The following FOXO1 variants were observed in gnomAD, a reference collection of about 807,000 sequenced individuals.
FOXO1 encodes the protein forkhead box O1, also known as forkhead box protein O1.
In FOXO1, 6 loss-of-function variants were observed where a neutral mutation model predicts 44.1. The ratio of observed to expected loss-of-function variants is 0.14; its 90% CI spans 0.07 to 0.27. FOXO1 has a LOEUF of 0.27. Ranked by LOEUF, FOXO1 falls within the 10% of genes least tolerant of loss-of-function variation. The pLI, the probability that FOXO1 is intolerant of heterozygous loss-of-function variation, is 1.00. For missense variants in FOXO1, 737 were observed against 888.8 expected, an observed-to-expected ratio of 0.83 and a Z score of 2.17; for synonymous variants, 380 against 362.7, an observed-to-expected ratio of 1.05 and a Z score of -0.54.
intron 1 of FOXO1, among the ~76,000 whole-genome samples, chr13:40,597,611 C>T (rs928590692): frequency 3.9e-5 from 6 of 152,198 alleles, no homozygotes; most frequent in African/African-American, 1.4e-4. Flanking sequence ...CTAAACCCTA[C>T]ATCTTCCCCC....
intron 1 of FOXO1, among the ~76,000 whole-genome samples, chr13:40,593,023 TTTG>T (rs892108628): frequency 1.3e-5 from 2 of 152,126 alleles, no homozygotes; most frequent in African/African-American, 4.8e-5. Context: ...TGGGGGCTTT[TTTG>T]TTTTGTTTTG....
At chr13:40,588,463 A>T (rs1875253752) in intron 1 of FOXO1, among the ~76,000 whole-genome samples, 1 of 152,230 alleles carries the variant, frequency 6.6e-6, no homozygotes, top group South Asian at 2.1e-4. Flanking sequence ...CATCACTAAC[A>T]GAAGCAAACA....
intron 1 of FOXO1, among the ~76,000 whole-genome samples, chr13:40,571,815 A>G (rs1874523690): frequency 6.6e-6 from 1 of 152,238 alleles, no homozygotes; most frequent in African/African-American, 2.4e-5. Context: ...AACGCACAGC[A>G]TTATAACGCA....
intron 1 of FOXO1, among the ~76,000 whole-genome samples, chr13:40,638,563 T>A (rs1485497113): frequency 6.6e-6 from 1 of 151,972 alleles, no homozygotes; most frequent in Non-Finnish European, 1.5e-5. Flanking sequence ...TCACAAAAAG[T>A]TCCAAGAGAG....
chr13:40,620,083 G>A (rs909216387), intron 1 of FOXO1: 1 of 1,014,216 alleles, frequency 9.9e-7, no homozygotes, highest in Non-Finnish European at 1.5e-6. Context: ...TATAACTCAA[G>A]TCTTTTTAGA....
At position 40,559,860 on chromosome 13, in the gene FOXO1, C is replaced by T; in HGVS notation, c.1631G>A (p.Ser544Asn). 6.2e-7 allele frequency: 1 copy of T among 1,614,072 alleles called. No homozygotes were observed. The highest frequency in any genetic ancestry group is 8.5e-7 in the Non-Finnish European group (1 of 1,179,974). The change falls in exon 2 of 3, where the codon AGC becomes AAC. Residue 544 changes from serine to asparagine, a missense_variant. By Grantham distance (46) the Ser-to-Asn change is conservative. Transcript: ENST00000379561. The stretch of plus-strand genomic sequence containing the variant: ...CATACCCGAGGTGTGGGGCATGGTG[C>T]TTACCGTGTGGGGCAGGGGACGCCC... ...VNGRPLPHTV[S>N]TMPHTSGMNR...
intron 1 of FOXO1, among the ~76,000 whole-genome samples, chr13:40,609,579 G>A (rs17061450): frequency 0.39 from 58,769 of 151,888 alleles, 12,218 homozygotes; most frequent in East Asian, 0.75. Context: ...AGATAATTAG[G>A]ATTGACTATA....
chr13:40,597,628 G>A (rs1875631463), intron 1 of FOXO1, among the ~76,000 whole-genome samples: 2 of 152,162 alleles, frequency 1.3e-5, no homozygotes, highest in African/African-American at 4.8e-5. Context: ...CCCCGGTGAA[G>A]GGTCCTGCCC....
intron 1 of FOXO1, among the ~76,000 whole-genome samples, chr13:40,586,894 T>C (rs980735722): frequency 2.6e-5 from 4 of 152,192 alleles, no homozygotes; most frequent in African/African-American, 9.7e-5. Context: ...AGGAGACACG[T>C]TGAACAATCC....
At chr13:40,647,579 A>G (rs1877552570) in intron 1 of FOXO1, among the ~76,000 whole-genome samples, 1 of 152,036 alleles carries the variant, frequency 6.6e-6, no homozygotes, top group Non-Finnish European at 1.5e-5. Context: ...TAGTTTTTGT[A>G]TTTTTAGTGG....
intron 1 of FOXO1, among the ~76,000 whole-genome samples, chr13:40,589,092 C>T (rs959916516): frequency 3.3e-5 from 5 of 151,846 alleles, no homozygotes; most frequent in Non-Finnish European, 5.9e-5. Flanking sequence ...GGCGACAGAG[C>T]GAGACTCTGT....
chr13:40,635,124 T>C (rs1877103867), intron 1 of FOXO1, among the ~76,000 whole-genome samples: 1 of 152,228 alleles, frequency 6.6e-6, no homozygotes, highest in Admixed American at 6.5e-5. Context: ...GTAAGGCATA[T>C]GGCATTGTTC....
chr13:40,623,124 A>T (rs200739712), intron 1 of FOXO1, among the ~76,000 whole-genome samples: 2,726 of 131,506 alleles, frequency 0.021, 55 homozygotes, highest in East Asian at 0.062. Context: ...GGGAATGTTT[A>T]AAAAAAAAAA....
At chr13:40,600,780 A>G (rs1240458418) in intron 1 of FOXO1, among the ~76,000 whole-genome samples, 1 of 152,206 alleles carries the variant, frequency 6.6e-6, no homozygotes, top group South Asian at 2.1e-4. Flanking sequence ...CTCGATTTGC[A>G]TATTACCAAT....
chr13:40,632,404 T>C (rs570543026), intron 1 of FOXO1, among the ~76,000 whole-genome samples: 1 of 152,152 alleles, frequency 6.6e-6, no homozygotes, highest in East Asian at 1.9e-4. Flanking sequence ...AATTTAACAA[T>C]GGGCAAAGGG....
At chr13:40,648,297 C>T (rs999833336) in intron 1 of FOXO1, among the ~76,000 whole-genome samples, 5 of 152,132 alleles carry the variant, frequency 3.3e-5, no homozygotes, top group African/African-American at 1.2e-4. Flanking sequence ...TAAGAGTTCC[C>T]TTTTGTAGCT....
intron 1 of FOXO1, among the ~76,000 whole-genome samples, chr13:40,580,164 G>T (rs902265940): frequency 6.6e-6 from 1 of 152,052 alleles, no homozygotes; most frequent in Non-Finnish European, 1.5e-5. Flanking sequence ...CAAAAACCCA[G>T]GCATTTTCCT....
At chr13:40,578,890 A>G (rs1297008564) in intron 1 of FOXO1, among the ~76,000 whole-genome samples, 1 of 152,136 alleles carries the variant, frequency 6.6e-6, no homozygotes, top group Admixed American at 6.5e-5. Flanking sequence ...GCACATACAC[A>G]TTTCTTTGCC....
At chr13:40,587,972 C>T (rs117975954) in intron 1 of FOXO1, among the ~76,000 whole-genome samples, 4 of 152,248 alleles carry the variant, frequency 2.6e-5, no homozygotes, top group East Asian at 1.9e-4. Context: ...CTAACATTTT[C>T]GGGCTAGAAC....
Sources: allele counts gnomAD v4.1 joint callset (sites outside exome capture counted in the v4.1 genomes callset), GRCh38; gene constraint gnomAD v4.1.1; transcripts MANE v1.5; gene names NCBI Gene and HGNC (gene_info 2026-07-23, HGNC 2026-07-21).